Variants in CD44 observed in about 807,000 individuals in gnomAD.
The protein encoded by CD44 is CD44 antigen.
In CD44, 49 loss-of-function variants were observed where a neutral mutation model predicts 88.8. That is an observed-to-expected ratio of 0.55 (90% CI 0.44 to 0.70). The LOEUF is 0.70. Among genes scored for constraint, CD44 ranks in the 30% least tolerant of loss-of-function variants. The pLI, the probability that CD44 is intolerant of heterozygous loss-of-function variation, is 0.00. For synonymous variants in CD44, 325 were observed against 312.3 expected (o/e 1.04, Z -0.43); for missense variants, 883 against 913.8 (o/e 0.97, Z 0.43).
intron 1 of CD44, among the ~76,000 whole-genome samples, chr11:35,149,793 T>C (rs887824277): frequency 1.3e-5 from 2 of 152,230 alleles, no homozygotes; most frequent in African/African-American, 4.8e-5. Flanking sequence ...TGATGCCTGA[T>C]TTGTATTAAA....
At chr11:35,183,338 C>A (rs200295827) in intron 3 of CD44, among the ~76,000 whole-genome samples, 1,153 of 125,154 alleles carry the variant, frequency 9.2e-3, no homozygotes, top group Non-Finnish European at 0.01. Context: ...AGCAATGAGA[C>A]AAAAAAAAAA....
At chr11:35,211,538 C>T (rs1177470164) in intron 14 of CD44, 89 bp downstream of exon 14, 3 of 953,136 alleles carry the variant, frequency 3.1e-6, no homozygotes, top group Non-Finnish European at 4.9e-6. Context: ...TCTGTGTAGT[C>T]TGGGATTGGA....
rs1166822648 is a variant in CD44 at position 35,176,579 on chromosome 11, G to A, written c.72G>A (p.Leu24=). 8 of 1,606,870 alleles carry A rather than the reference G, an allele frequency of 5.0e-6. No homozygotes were observed. The highest frequency in any genetic ancestry group is 6.8e-6 in the Non-Finnish European group (8 of 1,177,806). Residue 24 remains leucine (L), a synonymous_variant, in exon 2 of 18, where the codon TTG becomes TTA. Coordinates refer to ENST00000428726, the MANE Select transcript of CD44 (RefSeq NM_000610.4). ...CATTTCTATTTCTTCCCATAGATTTGAATATAACCTGCCGCTTTGCAGGTG... is the reference window on the plus strand; with the variant it reads ...CATTTCTATTTCTTCCCATAGATTTAAATATAACCTGCCGCTTTGCAGGTG... ...LVPLSLAQID[L]NITCRFAGVF... is the part of the protein sequence containing the mutation.
intron 1 of CD44, among the ~76,000 whole-genome samples, chr11:35,160,208 G>T (rs1362398576): frequency 2.0e-5 from 3 of 152,224 alleles, no homozygotes; most frequent in Non-Finnish European, 4.4e-5. Context: ...GAAATTTATT[G>T]CAGGGATCAC....
In CD44 at chr11:35,230,990, T is replaced by C. The variant is rs1357739152; in HGVS notation, c.*1657T>C. 6.5e-6 allele frequency: 1 copy of C among 153,688 alleles called. No individual in the cohort carries two copies. The highest frequency in any genetic ancestry group is 1.5e-5 in the Non-Finnish European group (1 of 68,790). 9.5% of individuals were successfully genotyped at this position (153,688 alleles called of 1,614,324 possible). On this transcript the variant is annotated 3_prime_UTR_variant, in exon 18 of 18. Transcript: ENST00000428726. ...AAATCAGGGCTGGGCTTAGACAGAG[T>C]TGATCTGTAGAATATCTTTAAAGGA...
At chr11:35,228,372 G>T (rs1297258964) in intron 17 of CD44, among the ~76,000 whole-genome samples, 1 of 152,176 alleles carries the variant, frequency 6.6e-6, no homozygotes, top group Non-Finnish European at 1.5e-5. Context: ...CTAGAAAAAT[G>T]TTGTTTTATT....
chr11:35,209,840 A>ATCC (rs1466888198), intron 12 of CD44, 125 bp from the exon 13 acceptor site: 2 of 633,552 alleles, frequency 3.2e-6, no homozygotes, highest in African/African-American at 3.9e-5. Flanking sequence ...TTGTGTGCAC[A>ATCC]AACCTTGGTC....
At chr11:35,196,959 C>T (rs1369363046) in intron 6 of CD44, 85 bp downstream of exon 6, 4 of 1,400,234 alleles carry the variant, frequency 2.9e-6, no homozygotes, top group African/African-American at 2.9e-5. Context: ...TTATTAAAGC[C>T]TAACGTTCCT....
chr11:35,177,286 G>C (rs930704370), intron 2 of CD44, among the ~76,000 whole-genome samples: 1 of 152,116 alleles, frequency 6.6e-6, no homozygotes, highest in African/African-American at 2.4e-5. Flanking sequence ...ATTTTTGGGA[G>C]CCCTGAGAGG....
intron 1 of CD44, among the ~76,000 whole-genome samples, chr11:35,165,786 A>C (rs1943193114): frequency 6.6e-6 from 1 of 152,170 alleles, no homozygotes; most frequent in Admixed American, 6.5e-5. Flanking sequence ...TAATTAACAG[A>C]GTTTAGGCTA....
In CD44 at chr11:35,201,711, G is replaced by C; in HGVS notation, c.1077G>C (p.Trp359Cys). The C allele has an allele frequency of 6.2e-7, 1 of 1,613,756 alleles. No individual in the cohort carries two copies. Among genetic ancestry groups the C allele is most frequent in the Non-Finnish European group, 8.5e-7 (1 of 1,179,734 alleles). The change falls in exon 9 of 18, where the codon TGG becomes TGC. Residue 359 changes from tryptophan to cysteine, a missense_variant. By Grantham distance (215) the Trp-to-Cys change is radical. Transcript: ENST00000428726. The part of the protein sequence containing the change: ...RNGTTAYEGN[W>C]NPEAHPPLIH... ...GCACCACTGCTTATGAAGGAAACTG[G>C]AACCCAGAAGCACACCCTCCCCTCA...
intron 7 of CD44, among the ~76,000 whole-genome samples, chr11:35,198,848 G>A (rs528242278): frequency 5.3e-5 from 8 of 151,896 alleles, no homozygotes; most frequent in East Asian, 3.9e-4. Context: ...GCGTAGTGGC[G>A]GGTGCCTGTA....
intron 17 of CD44, among the ~76,000 whole-genome samples, chr11:35,228,020 G>A (rs1949827274): frequency 6.6e-6 from 1 of 152,222 alleles, no homozygotes; most frequent in African/African-American, 2.4e-5. Flanking sequence ...TGGTATTCAG[G>A]AGGTAATCTG....
At chr11:35,185,751 A>G (rs1386818207) in intron 3 of CD44, among the ~76,000 whole-genome samples, 1 of 152,240 alleles carries the variant, frequency 6.6e-6, no homozygotes, top group Non-Finnish European at 1.5e-5. Context: ...TAACCTTTCT[A>G]TAAAGGCAAA....
Position 35,160,349 on chromosome 11 carries a change from C to T in CD44, c.68-16226C>T, listed in dbSNP as rs115964893. Among the ~76,000 whole-genome samples, 1,510 of 152,276 alleles carry T rather than the reference C, an allele frequency of 9.9e-3. 20 individuals are homozygous for T. The highest frequency in any genetic ancestry group is 0.033 in the African/African-American group (1,355 of 41,544). ...GTTCTCATATCTGCGTGCTGAAAGGCGTTTATTTGGTGTATTCTGAGAGCA... is the reference window on the plus strand; with the variant it reads ...GTTCTCATATCTGCGTGCTGAAAGGTGTTTATTTGGTGTATTCTGAGAGCA... On this transcript the variant is annotated intron_variant, in intron 1 of 17. Coordinates refer to ENST00000428726, the MANE Select transcript of CD44 (RefSeq NM_000610.4).
At chr11:35,222,686 T>G in intron 17 of CD44, 1 of 915,530 alleles carries the variant, frequency 1.1e-6, no homozygotes, top group Non-Finnish European at 1.3e-6. Context: ...GGGGTATAAA[T>G]CTAAATTTAT....
intron 6 of CD44, 55 bp from the exon 7 acceptor site, chr11:35,198,066 T>G: frequency 1.3e-6 from 2 of 1,583,314 alleles, no homozygotes; most frequent in Non-Finnish European, 1.7e-6. Flanking sequence ...TTTCTTCCTT[T>G]GCAAGTGGGT....
intron 17 of CD44, chr11:35,222,317 T>C: frequency 1.2e-6 from 1 of 829,738 alleles, no homozygotes; most frequent in South Asian, 1.4e-5. Context: ...GGCCTTGTGC[T>C]TTTGTTTGTT....
chr11:35,214,694 T>C (rs1463819235), intron 14 of CD44, 158 bp from the exon 15 acceptor site: 1 of 411,080 alleles, frequency 2.4e-6, no homozygotes. Context: ...GTAATTAACA[T>C]TGTGGACCCA....
Sources: allele counts gnomAD v4.1 joint callset (sites outside exome capture counted in the v4.1 genomes callset), GRCh38; gene constraint gnomAD v4.1.1; transcripts MANE v1.5; gene names NCBI Gene and HGNC (gene_info 2026-07-23, HGNC 2026-07-21).